CALCOCO1: variants seen among roughly 807,000 people sequenced by gnomAD.
CALCOCO1 encodes the protein calcium binding and coiled-coil domain 1.
In CALCOCO1, 44 loss-of-function variants were observed where a neutral mutation model predicts 86.3. The observed-to-expected ratio is 0.51, with a 90% CI of 0.40 to 0.66. The LOEUF is 0.66. Among genes scored for constraint, CALCOCO1 ranks in the 30% least tolerant of loss-of-function variants. CALCOCO1 has a pLI of 0.00. For missense variants in CALCOCO1, 708 were observed against 851.1 expected (o/e 0.83, Z 2.09); for synonymous variants, 297 against 327.6 (o/e 0.91, Z 1.01).
At chr12:53,720,770 T>C (rs1045310015) in intron 6 of CALCOCO1, among the ~76,000 whole-genome samples, 2 of 152,244 alleles carry the variant, frequency 1.3e-5, no homozygotes, top group African/African-American at 2.4e-5. Flanking sequence ...TGGTGAAAAT[T>C]TGAAGGATGG....
intron 11 of CALCOCO1, 57 bp from the exon 12 acceptor site, chr12:53,714,298 T>A: frequency 7.5e-7 from 1 of 1,328,782 alleles, no homozygotes; most frequent in Non-Finnish European, 1.1e-6. Flanking sequence ...CCAACCTTGC[T>A]AGCCTGCAGA....
intron 4 of CALCOCO1, chr12:53,722,943 CA>C (rs58897806): frequency 0.077 from 14,801 of 192,104 alleles, 4 homozygotes; most frequent in South Asian, 0.11. Context: ...AAGGCTGTCT[CA>C]AAAAAAAAAA....
chr12:53,722,779 C>T (rs1945910514), intron 4 of CALCOCO1: 1 of 334,468 alleles, frequency 3.0e-6, no homozygotes. Flanking sequence ...CTTAACTTCT[C>T]TAAGTCTCTG....
chr12:53,724,232 A>G (rs1246526336), intron 3 of CALCOCO1: 1 of 416,004 alleles, frequency 2.4e-6, no homozygotes, highest in Admixed American at 3.0e-5. Flanking sequence ...ATGTCCCTAT[A>G]AGCCAGGCAT....
At chr12:53,723,891 G>T in intron 3 of CALCOCO1, 108 bp from the exon 4 acceptor site, 2 of 900,070 alleles carry the variant, frequency 2.2e-6, no homozygotes, top group Non-Finnish European at 3.4e-6. Flanking sequence ...CCTCCCACAG[G>T]CCATACTCTT....
In CALCOCO1 at chr12:53,721,496, T is replaced by C. The variant is rs764044214; in HGVS notation, c.729A>G (p.Lys243=). The change falls in exon 6 of 15, where the codon AAA becomes AAG. Residue 243 remains lysine (K), a synonymous_variant. Coordinates refer to ENST00000550804, the MANE Select transcript of CALCOCO1 (RefSeq NM_020898.3). Reference sequence around the variant, plus strand: ...CCAGCTCCACTTCCTTCGTCAGCACTTTCTCACTGATGGTCTGGATGTCAT... The same window carrying C: ...CCAGCTCCACTTCCTTCGTCAGCACCTTCTCACTGATGGTCTGGATGTCAT... The part of the protein sequence containing the change: ...LEDDIQTISE[K]VLTKEVELDR... 6.2e-7 allele frequency: 1 copy of C among 1,612,144 alleles called. No individual in the cohort carries two copies. Among genetic ancestry groups the C allele is most frequent in the Admixed American group, 1.7e-5 (1 of 59,258 alleles).
In CALCOCO1 at chr12:53,715,204, C is replaced by A. The variant is rs1290575259; in HGVS notation, c.1382G>T (p.Ser461Ile). The change falls in exon 10 of 15, where the codon AGC becomes ATC. Residue 461 changes from serine to isoleucine, a missense_variant. Transcript: ENST00000550804. ...CTTGGTGGCTGGATGCCTCACCAGG[C>A]TAGAATCCTTCTCCCGGGCCAGCTC... Reference protein sequence around the residue: ...KTELAREKDSSLVQLSESKRE... With the variant: ...KTELAREKDSILVQLSESKRE... The A allele has an allele frequency of 1.9e-6, 3 of 1,614,086 alleles. No homozygotes were observed. Among genetic ancestry groups the A allele is most frequent in the Admixed American group, 3.3e-5 (2 of 60,022 alleles).
chr12:53,711,251 C>T lies in CALCOCO1; in HGVS notation c.*693G>A. On this transcript the variant is annotated 3_prime_UTR_variant, in exon 15 of 15. Coordinates refer to ENST00000550804, the MANE Select transcript of CALCOCO1 (RefSeq NM_020898.3). ...GATACCTGGGACCACTTGTTCCCCCCATTCCTCACAGAAGGCACAAATACA... is the reference window on the plus strand; with the variant it reads ...GATACCTGGGACCACTTGTTCCCCCTATTCCTCACAGAAGGCACAAATACA... 2.5e-6 allele frequency: 1 copy of T among 398,954 alleles called. No individual in the cohort carries two copies. The highest frequency in any genetic ancestry group is 4.4e-6 in the Non-Finnish European group (1 of 226,034). The allele number at this position is 398,954 out of a possible 1,614,324, so 24.7% of individuals were successfully genotyped here.
chr12:53,719,907 C>G, intron 6 of CALCOCO1, 78 bp from the exon 7 acceptor site: 2 of 871,560 alleles, frequency 2.3e-6, no homozygotes, highest in Non-Finnish European at 3.7e-6. Flanking sequence ...GTCTTGTGCT[C>G]TGCTGCTGCT....
chr12:53,725,358 T>A, intron 1 of CALCOCO1, 92 bp from the exon 2 acceptor site: 1 of 803,046 alleles, frequency 1.2e-6, no homozygotes, highest in Non-Finnish European at 1.9e-6. Flanking sequence ...CCCCTGCCAC[T>A]ACACCTGGAG....
At chr12:53,724,816 G>C in intron 2 of CALCOCO1, 69 bp from the exon 3 acceptor site, 1 of 1,302,624 alleles carries the variant, frequency 7.7e-7, no homozygotes, top group Non-Finnish European at 1.1e-6. Context: ...AGAAAGGGCT[G>C]AGGGGTTGAA....
intron 7 of CALCOCO1, 137 bp downstream of exon 7, chr12:53,719,602 G>T: frequency 6.2e-6 from 4 of 644,310 alleles, no homozygotes; most frequent in Non-Finnish European, 1.1e-5. Flanking sequence ...CCTGATTTAG[G>T]TATATGTCTT....
rs1593094097 is a variant in CALCOCO1, at chr12:53,723,649, C to T, written c.394G>A (p.Glu132Lys). The change falls in exon 4 of 15, where the codon GAG becomes AAG. Residue 132 changes from glutamate to lysine, a missense_variant. By Grantham distance (56) the Glu-to-Lys change is moderately conservative. Coordinates refer to ENST00000550804, the MANE Select transcript of CALCOCO1 (RefSeq NM_020898.3). ...AGGATGTCAGAGCCCCCATCAGCCT[C>T]CTCCAGGGTCACCAGTTCATCCATG... ...RPMDELVTLE[E>K]ADGGSDILLV... 6.2e-7 allele frequency: 1 copy of T among 1,614,092 alleles called. No homozygotes were observed. Among genetic ancestry groups the T allele is most frequent in the African/African-American group, 1.3e-5 (1 of 74,928 alleles).
At chr12:53,721,179 T>C (rs144199912) in intron 6 of CALCOCO1, among the ~76,000 whole-genome samples, 1 of 152,262 alleles carries the variant, frequency 6.6e-6, no homozygotes, top group African/African-American at 2.4e-5. Context: ...CTGACTTCCA[T>C]CCATTCTCTT....
intron 9 of CALCOCO1, 25 bp from the exon 10 acceptor site, chr12:53,715,350 T>C (rs1373058646): frequency 6.2e-7 from 1 of 1,613,692 alleles, no homozygotes; most frequent in Admixed American, 1.7e-5. Flanking sequence ...AGAAGGAAAA[T>C]GGGAGGGTGG....
chr12:53,716,154 T>C, intron 8 of CALCOCO1, 106 bp downstream of exon 8: 1 of 1,580,410 alleles, frequency 6.3e-7, no homozygotes, highest in Non-Finnish European at 8.6e-7. Flanking sequence ...GGGGTTGTGT[T>C]GTTTAGTCTT....
intron 3 of CALCOCO1, chr12:53,724,201 C>A: frequency 2.3e-6 from 1 of 436,004 alleles, no homozygotes; most frequent in South Asian, 1.6e-5. Context: ...TGGCCTGCAG[C>A]TTTCATTTTA....
intron 4 of CALCOCO1, 42 bp downstream of exon 4, chr12:53,723,551 C>T: frequency 3.1e-6 from 5 of 1,604,928 alleles, no homozygotes; most frequent in Non-Finnish European, 4.3e-6. Flanking sequence ...ATGCTGTCTC[C>T]CACTCCCTTG....
At position 53,711,841 on chromosome 12, in the gene CALCOCO1, G is replaced by A. The variant is rs981781979; in HGVS notation, c.*103C>T. ...CAGTTCTTAGGGAACAGAATATCATGGAGCCCAGTGTGATAGAAAATGGGC... is the reference window on the plus strand; with the variant it reads ...CAGTTCTTAGGGAACAGAATATCATAGAGCCCAGTGTGATAGAAAATGGGC... On this transcript the variant is annotated 3_prime_UTR_variant, in exon 15 of 15. Transcript: ENST00000550804. 1.5e-5 allele frequency: 15 copies of A among 994,772 alleles called. No homozygotes were observed. The South Asian group carries it at 1.8e-4, about 12-fold the overall frequency. 61.6% of individuals were successfully genotyped at this position (994,772 alleles called of 1,614,324 possible). A position where few individuals can be genotyped will look rare whatever the true frequency, so the allele number is the denominator to read the frequency against.
Sources: gnomAD v4.1 joint callset for allele counts (sites outside exome capture counted in the v4.1 genomes callset) on GRCh38, gnomAD v4.1.1 for gene constraint, MANE v1.5 for transcripts, NCBI Gene and HGNC (gene_info 2026-07-23, HGNC 2026-07-21) for gene names.